The following NUCKS1 variants were observed in gnomAD, a reference collection of about 807,000 sequenced individuals.
NUCKS1 encodes nuclear casein kinase and cyclin dependent kinase substrate 1.
A neutral mutation model predicts 33.0 loss-of-function variants in NUCKS1; 2 were observed. That is an observed-to-expected ratio of 0.06 (90% CI 0.02 to 0.19). The LOEUF is 0.19. NUCKS1 is among the 10% of genes least tolerant of loss of function. The pLI is 1.00. For missense variants in NUCKS1, 201 were observed against 293.6 expected, an observed-to-expected ratio of 0.68 and a Z score of 2.31; for synonymous variants, 106 against 102.8, an observed-to-expected ratio of 1.03 and a Z score of -0.19.
At chr1:205,721,447 T>C (rs1280392397) in intron 4 of NUCKS1, among the ~76,000 whole-genome samples, 1 of 152,236 alleles carries the variant, frequency 6.6e-6, no homozygotes, top group African/African-American at 2.4e-5. Flanking sequence ...ACTTTAAAGT[T>C]ACATCATTGC....
In NUCKS1 at chr1:205,750,155, C is replaced by G; in HGVS notation, c.-182G>C. ...CAGGGCTCCTGGAACAGACGAGCCC[C>G]CCGCTCCCCCGTCTCTTCAAAATGG... On this transcript the variant is annotated 5_prime_UTR_variant, in exon 1 of 7. Coordinates refer to ENST00000367142, the MANE Select transcript of NUCKS1 (RefSeq NM_022731.5). 3.1e-6 allele frequency: 2 copies of G among 645,502 alleles called. No individual in the cohort carries two copies. The highest frequency in any genetic ancestry group is 2.7e-6 in the Non-Finnish European group (1 of 366,458). The allele number at this position is 645,502 out of a possible 1,614,324, so 40.0% of individuals were successfully genotyped here. A position where few individuals can be genotyped will look rare whatever the true frequency, so the allele number is the denominator to read the frequency against.
intron 3 of NUCKS1, among the ~76,000 whole-genome samples, chr1:205,727,134 T>G (rs1653800402): frequency 6.6e-6 from 1 of 152,058 alleles, no homozygotes; most frequent in South Asian, 2.1e-4. Context: ...CGGCCAATTT[T>G]TAAATTTTTA....
intron 1 of NUCKS1, among the ~76,000 whole-genome samples, chr1:205,749,488 CA>C (rs1654423232): frequency 6.6e-6 from 1 of 152,144 alleles, no homozygotes; most frequent in African/African-American, 2.4e-5. Flanking sequence ...TCAGGGCCCC[CA>C]CCCCCGCGCC....
intron 5 of NUCKS1, 83 bp from the exon 6 acceptor site, chr1:205,719,759 T>A: frequency 6.9e-7 from 1 of 1,457,782 alleles, no homozygotes; most frequent in Non-Finnish European, 9.3e-7. Context: ...TAAGAATGAC[T>A]AGAGGATGGG....
intron 1 of NUCKS1, 23 bp downstream of exon 1, chr1:205,749,934 C>T: frequency 6.2e-7 from 1 of 1,608,730 alleles, no homozygotes; most frequent in East Asian, 2.2e-5. Flanking sequence ...CAACCCGCTC[C>T]AGGCCTCAGA....
At chr1:205,744,489 C>T (rs1654262663) in intron 1 of NUCKS1, among the ~76,000 whole-genome samples, 1 of 151,898 alleles carries the variant, frequency 6.6e-6, no homozygotes, top group South Asian at 2.1e-4. Flanking sequence ...TGTTAAATGT[C>T]CTCAATCCAC....
In NUCKS1 at chr1:205,717,181, A is replaced by G. The variant is rs1671837753; in HGVS notation, c.*1099T>C. The G allele has an allele frequency of 5.7e-6, 2 of 351,622 alleles. No homozygotes were observed. Among genetic ancestry groups the G allele is most frequent in the South Asian group, 2.3e-4 (2 of 8,626 alleles). The allele number at this position is 351,622 out of a possible 1,614,324, so 21.8% of individuals were successfully genotyped here. A position where few individuals can be genotyped will look rare whatever the true frequency, so the allele number is the denominator to read the frequency against. On this transcript the variant is annotated 3_prime_UTR_variant, in exon 7 of 7. Transcript: ENST00000367142. ...CGGGATATGAAAAAGAAAATGTTCT[A>G]TCCCCAAATAAAAGCAGAGCATGGT... is the stretch of plus-strand genomic sequence containing the variant.
At chr1:205,748,228 G>C (rs556080481) in intron 1 of NUCKS1, among the ~76,000 whole-genome samples, 38 of 151,912 alleles carry the variant, frequency 2.5e-4, no homozygotes, top group Admixed American at 4.6e-4. Context: ...CCTAAATCTG[G>C]GAAAACAAAT....
At chr1:205,718,955 T>G (rs1671875127) in intron 6 of NUCKS1, among the ~76,000 whole-genome samples, 1 of 152,260 alleles carries the variant, frequency 6.6e-6, no homozygotes, top group South Asian at 2.1e-4. Flanking sequence ...TAACAATGAC[T>G]AGTTCTACCT....
chr1:205,749,904 C>T, intron 1 of NUCKS1, 53 bp downstream of exon 1: 1 of 1,575,012 alleles, frequency 6.3e-7, no homozygotes, highest in Non-Finnish European at 8.7e-7. Context: ...CTCTTTTCAC[C>T]ACTCGCCCCC....
intron 2 of NUCKS1, among the ~76,000 whole-genome samples, chr1:205,728,768 T>C (rs1653836653): frequency 6.6e-6 from 1 of 152,226 alleles, no homozygotes; most frequent in Non-Finnish European, 1.5e-5. Flanking sequence ...CTCTTATGGC[T>C]AAGACTTAGC....
intron 1 of NUCKS1, among the ~76,000 whole-genome samples, chr1:205,732,505 G>A (rs757512110): frequency 6.6e-5 from 10 of 152,020 alleles, no homozygotes; most frequent in Non-Finnish European, 1.3e-4. Flanking sequence ...AACATGGGCC[G>A]GGCACAGTGG....
intron 1 of NUCKS1, among the ~76,000 whole-genome samples, chr1:205,744,630 G>GTTTGTTTTT (rs1553253162): frequency 2.3e-5 from 2 of 87,786 alleles, no homozygotes; most frequent in East Asian, 4.1e-4. Flanking sequence ...GTTCACTAGA[G>GTTTGTTTTT]TTTTTTTTTT....
rs955221001 is a variant in NUCKS1, at chr1:205,731,785, G to C, written c.18-2164C>G. ...CGGGCGCCTGTAGTCCCAGCTACTC[G>C]GGAGGCTGAGGCAGGAGAATGGCTT... On this transcript the variant is annotated intron_variant, in intron 1 of 6. Transcript: ENST00000367142. Among the ~76,000 whole-genome samples the C allele has an allele frequency of 2.0e-5, 3 of 152,052 alleles. No homozygotes were observed. The South Asian group carries it at 6.3e-4, about 32-fold the overall frequency.
At chr1:205,734,487 A>G (rs760301665) in intron 1 of NUCKS1, among the ~76,000 whole-genome samples, 8 of 152,226 alleles carry the variant, frequency 5.3e-5, no homozygotes, top group Non-Finnish European at 1.0e-4. Flanking sequence ...AAGGGCAACC[A>G]GTCAGAAACA....
chr1:205,723,920 T>C lies in NUCKS1; in HGVS notation c.229+6A>G, dbSNP rs1427692340. 3.2e-6 allele frequency: 5 copies of C among 1,586,598 alleles called. No homozygotes were observed. The highest frequency in any genetic ancestry group is 4.3e-6 in the Non-Finnish European group (5 of 1,156,068). On this transcript the variant is annotated splice_donor_region_variant and intron_variant, in intron 4 of 6. Transcript: ENST00000367142. ...TATACCTCTTACATTTAAAATAGTTTACTACCTGCTGAGTGAGAATCATCC... is the reference window on the plus strand; with the variant it reads ...TATACCTCTTACATTTAAAATAGTTCACTACCTGCTGAGTGAGAATCATCC...
intron 3 of NUCKS1, 65 bp downstream of exon 3, chr1:205,727,635 C>A: frequency 9.5e-7 from 1 of 1,055,848 alleles, no homozygotes; most frequent in Non-Finnish European, 1.5e-6. Flanking sequence ...ATTTAGAGAT[C>A]AGAGACTGCT....
chr1:205,732,507 G>A (rs533451698), intron 1 of NUCKS1, among the ~76,000 whole-genome samples: 2 of 152,254 alleles, frequency 1.3e-5, no homozygotes, highest in South Asian at 2.1e-4. Context: ...CATGGGCCGG[G>A]CACAGTGGCT....
intron 1 of NUCKS1, among the ~76,000 whole-genome samples, chr1:205,736,182 C>A (rs1163832323): frequency 6.6e-6 from 1 of 152,090 alleles, no homozygotes; most frequent in Non-Finnish European, 1.5e-5. Context: ...GAACTCCTGG[C>A]CTCAAGTGAT....
Sources: gnomAD v4.1 joint callset for allele counts (sites outside exome capture counted in the v4.1 genomes callset) on GRCh38, gnomAD v4.1.1 for gene constraint, MANE v1.5 for transcripts, NCBI Gene and HGNC (gene_info 2026-07-23, HGNC 2026-07-21) for gene names.